Variants in U2SURP observed in about 807,000 individuals in gnomAD.
The protein encoded by U2SURP is U2 snRNP associated SURP domain containing, also known as U2 snRNP-associated SURP motif-containing protein.
A neutral mutation model predicts 144.9 loss-of-function variants in U2SURP; 9 were observed. The ratio of observed to expected loss-of-function variants is 0.06; its 90% confidence interval spans 0.04 to 0.11. U2SURP has a LOEUF of 0.11. U2SURP is among the 10% of genes least tolerant of loss of function. The pLI is 1.00. For missense variants in U2SURP, 724 were observed against 1,226.7 expected, an observed-to-expected ratio of 0.59 and a Z score of 6.12; for synonymous variants, 408 against 396.8, an observed-to-expected ratio of 1.03 and a Z score of -0.33.
intron 20 of U2SURP, among the ~76,000 whole-genome samples, chr3:143,036,314 T>G (rs1256826454): frequency 6.6e-6 from 1 of 152,170 alleles, no homozygotes; most frequent in East Asian, 1.9e-4. Flanking sequence ...ATGTGAAAAT[T>G]GGTGAGTGTT....
At position 143,046,334 on chromosome 3, in the gene U2SURP, T is replaced by A. The variant is rs971212159; in HGVS notation, c.2544+3058T>A. ...TTTTATTTTTTTATTTTTTATTTTT[T>A]TTTTTATTGATCATTCTTGGGTGTT... On this transcript the variant is annotated intron_variant, in intron 24 of 27. Coordinates refer to ENST00000473835, the MANE Select transcript of U2SURP (RefSeq NM_001080415.2). 9.5e-4 allele frequency among the ~76,000 whole-genome samples: 140 copies of A among 147,408 alleles called. 1 individual carries two copies. The highest frequency in any genetic ancestry group is 6.9e-3 in the Middle Eastern group (2 of 288).
intron 6 of U2SURP, 125 bp from the exon 7 acceptor site, chr3:143,019,844 C>T (rs1214825335): frequency 3.0e-5 from 13 of 433,828 alleles, no homozygotes; most frequent in Non-Finnish European, 4.4e-5. Flanking sequence ...AAGCATTCTT[C>T]CTTTTTAATT....
At chr3:143,010,237 T>G (rs1165992553) in intron 1 of U2SURP, among the ~76,000 whole-genome samples, 1 of 152,232 alleles carries the variant, frequency 6.6e-6, no homozygotes, top group African/African-American at 2.4e-5. Flanking sequence ...TTATATGAAC[T>G]CTTTCTCATG....
chr3:143,047,982 C>G (rs1240561914), intron 24 of U2SURP, among the ~76,000 whole-genome samples: 1 of 152,030 alleles, frequency 6.6e-6, no homozygotes, highest in Non-Finnish European at 1.5e-5. Flanking sequence ...TTTTCTTATT[C>G]TACTATTGTC....
At chr3:143,017,190 G>A in intron 6 of U2SURP, 1 of 403,742 alleles carries the variant, frequency 2.5e-6, no homozygotes. Context: ...TTTGAGCAGT[G>A]AACATTTGCT....
rs368804993 is a variant in U2SURP, at chr3:143,052,783, G to C, written c.2656-893G>C. On this transcript the variant is annotated intron_variant, in intron 25 of 27. Transcript: ENST00000473835. The stretch of plus-strand genomic sequence containing the variant: ...AATCAGAAGAATCAGCTATCACATA[G>C]CTTGCTTGATGCATATGAATCGTAG... Among the ~76,000 whole-genome samples the C allele has an allele frequency of 3.3e-5, 5 of 152,178 alleles. No individual in the cohort carries two copies. In the South Asian group the frequency reaches 1.0e-3, roughly 32 times the overall value.
intron 24 of U2SURP, among the ~76,000 whole-genome samples, chr3:143,046,714 ACTT>A (rs1283203861): frequency 2.6e-5 from 3 of 115,396 alleles, no homozygotes; most frequent in Non-Finnish European, 5.2e-5. Context: ...TCCCATGTCT[ACTT>A]CTTTCTACAC....
chr3:143,050,793 G>T lies in U2SURP; in HGVS notation c.2545-146G>T, dbSNP rs565196130. 3 of 537,702 alleles carry T rather than the reference G, an allele frequency of 5.6e-6. No individual in the cohort carries two copies. The African/African-American group carries it at 5.8e-5, about 10-fold the overall frequency. 33.3% of individuals were successfully genotyped at this position (537,702 alleles called of 1,614,324 possible). The stretch of plus-strand genomic sequence containing the variant: ...TGGTCAGCTGATTTTTGCCTAGTTG[G>T]ACTTGTCTGACAAGTGGCCTTCAGG... On this transcript the variant is annotated intron_variant, in intron 24 of 27. Coordinates refer to ENST00000473835, the MANE Select transcript of U2SURP (RefSeq NM_001080415.2).
intron 11 of U2SURP, 58 bp from the exon 12 acceptor site, chr3:143,022,795 A>C: frequency 4.1e-6 from 6 of 1,470,866 alleles, no homozygotes; most frequent in Non-Finnish European, 4.5e-6. Flanking sequence ...TCACCAGAAA[A>C]ATTTTGTTTG....
At chr3:143,001,710 A>C in intron 1 of U2SURP, 37 bp downstream of exon 1, 1 of 1,612,298 alleles carries the variant, frequency 6.2e-7, no homozygotes, top group Non-Finnish European at 8.5e-7. Flanking sequence ...CAGCGGATCT[A>C]CCACTGTCGT....
intron 27 of U2SURP, 78 bp downstream of exon 27, chr3:143,055,197 T>C: frequency 7.4e-7 from 1 of 1,344,594 alleles, no homozygotes; most frequent in Non-Finnish European, 1.0e-6. Context: ...AATAATTTGG[T>C]TGGCATACAT....
intron 23 of U2SURP, 26 bp from the exon 24 acceptor site, chr3:143,043,091 A>G: frequency 5.1e-6 from 8 of 1,580,686 alleles, no homozygotes; most frequent in South Asian, 1.2e-5. Context: ...GCCTTGACAT[A>G]CAATGTATTC....
At chr3:143,021,194 AAAC>A (rs566167262) in intron 8 of U2SURP, among the ~76,000 whole-genome samples, 153 bp from the exon 9 acceptor site, 10 of 152,166 alleles carry the variant, frequency 6.6e-5, no homozygotes, top group East Asian at 5.8e-4. Flanking sequence ...CTGTCTCAAA[AAAC>A]AACAACAACA....
chr3:143,012,092 A>C, intron 2 of U2SURP, 130 bp from the exon 3 acceptor site: 1 of 1,177,368 alleles, frequency 8.5e-7, no homozygotes, highest in Non-Finnish European at 1.2e-6. Context: ...TGGTGATATT[A>C]AGGGATGTGA....
intron 1 of U2SURP, among the ~76,000 whole-genome samples, chr3:143,004,080 C>G (rs1935690930): frequency 6.6e-6 from 1 of 152,064 alleles, no homozygotes; most frequent in Non-Finnish European, 1.5e-5. Context: ...GAATTTCTAG[C>G]CTTTGATATC....
Position 143,010,745 on chromosome 3 carries a change from T to TA in U2SURP, c.46-68dup, listed in dbSNP as rs1487334770. Reference sequence around the variant, plus strand: ...AAGTTAGGAAACTCTTAAGTTTGTATAACACGAGAGACATGTTTTGTTAGT... The same window carrying TA: ...AAGTTAGGAAACTCTTAAGTTTGTATAAACACGAGAGACATGTTTTGTTAGT... On this transcript the variant is annotated intron_variant, in intron 1 of 27. Transcript: ENST00000473835. 21 of 1,234,226 alleles carry TA rather than the reference T, an allele frequency of 1.7e-5. No individual in the cohort carries two copies. In the Middle Eastern group the frequency reaches 8.0e-4, roughly 47 times the overall value. 76.5% of individuals were successfully genotyped at this position (1,234,226 alleles called of 1,614,324 possible).
rs1318757128 is a variant in U2SURP at position 143,022,833 on chromosome 3, C to T, written c.1019-20C>T. 1 of 1,522,526 alleles carries T rather than the reference C, an allele frequency of 6.6e-7. No individual in the cohort carries two copies. Among genetic ancestry groups the T allele is most frequent in the East Asian group, 2.3e-5 (1 of 43,358 alleles). The allele number at this position is 1,522,526 out of a possible 1,614,324, so 94.3% of individuals were successfully genotyped here. A position where few individuals can be genotyped will look rare whatever the true frequency, so the allele number is the denominator to read the frequency against. ...AACTTTTGAGAGTTAACAAAATGAC[C>T]TTTCATTTCTTTCTTGTAGGAAAAA... is the stretch of plus-strand genomic sequence containing the variant. On this transcript the variant is annotated intron_variant, in intron 11 of 27. Coordinates refer to ENST00000473835, the MANE Select transcript of U2SURP (RefSeq NM_001080415.2).
intron 14 of U2SURP, among the ~76,000 whole-genome samples, chr3:143,027,613 C>A (rs114949211): frequency 6.6e-6 from 1 of 152,080 alleles, no homozygotes; most frequent in Non-Finnish European, 1.5e-5. Flanking sequence ...TAGCATGTAT[C>A]GGGATTTCCT....
chr3:143,017,386 T>C (rs1241869183), intron 6 of U2SURP: 1 of 153,438 alleles, frequency 6.5e-6, no homozygotes, highest in Non-Finnish European at 1.4e-5. Context: ...CTGTCAGAAT[T>C]AGTGACACTT....
Sources: gnomAD v4.1 joint callset for allele counts (sites outside exome capture counted in the v4.1 genomes callset) on GRCh38, gnomAD v4.1.1 for gene constraint, MANE v1.5 for transcripts, NCBI Gene and HGNC (gene_info 2026-07-23, HGNC 2026-07-21) for gene names.